Variants in DLG2 observed in about 807,000 individuals in gnomAD.
DLG2 encodes the protein discs large MAGUK scaffold protein 2.
Under a neutral mutation model 132.5 loss-of-function variants are expected in DLG2, and 45 were observed. The ratio of observed to expected loss-of-function variants is 0.34; its 90% confidence interval spans 0.27 to 0.44. The LOEUF (loss-of-function observed/expected upper bound fraction) is 0.44, where lower values mean the gene tolerates loss of function less well. Ranked by LOEUF, DLG2 falls within the 20% of genes least tolerant of loss-of-function variation. DLG2 has a pLI of 1.00. For missense variants in DLG2, 1,045 were observed against 1,196.9 expected (o/e 0.87, Z 1.87); for synonymous variants, 424 against 419.6 (o/e 1.01, Z -0.13).
At chr11:84,934,900 C>A (rs967378060) in intron 6 of DLG2, among the ~76,000 whole-genome samples, 2 of 151,966 alleles carry the variant, frequency 1.3e-5, no homozygotes, top group African/African-American at 4.8e-5. Flanking sequence ...TTTTTCTAAC[C>A]CACATCCATT....
chr11:84,869,581 C>T (rs1178869130), intron 6 of DLG2, among the ~76,000 whole-genome samples: 5 of 152,158 alleles, frequency 3.3e-5, no homozygotes, highest in African/African-American at 7.2e-5. Context: ...TGATGGACAA[C>T]CTAAGCATGT....
chr11:84,842,599 C>T (rs1297653436), intron 6 of DLG2, among the ~76,000 whole-genome samples: 1 of 151,928 alleles, frequency 6.6e-6, no homozygotes, highest in Non-Finnish European at 1.5e-5. Context: ...CAGAGCACTT[C>T]AATAGTTAGA....
intron 7 of DLG2, among the ~76,000 whole-genome samples, chr11:84,371,157 C>A (rs887780499): frequency 6.6e-6 from 1 of 151,596 alleles, no homozygotes; most frequent in South Asian, 2.1e-4. Flanking sequence ...AGACAAGCTG[C>A]GATTTTAATA....
chr11:84,363,441 T>G (rs1214580306), intron 7 of DLG2, among the ~76,000 whole-genome samples: 2 of 152,164 alleles, frequency 1.3e-5, no homozygotes, highest in East Asian at 3.9e-4. Context: ...TTGTGAAAAT[T>G]TTCTCCCATT....
chr11:85,544,368 A>G (rs941465449), intron 3 of DLG2, among the ~76,000 whole-genome samples: 1 of 152,190 alleles, frequency 6.6e-6, no homozygotes, highest in Non-Finnish European at 1.5e-5. Flanking sequence ...TTTTGCTACC[A>G]GTACCATGCT....
intron 3 of DLG2, among the ~76,000 whole-genome samples, chr11:85,491,190 A>C (rs960082647): frequency 1.3e-5 from 2 of 152,154 alleles, no homozygotes; most frequent in African/African-American, 2.4e-5. Flanking sequence ...ATTTCAATAG[A>C]TATAGAAAAG....
intron 19 of DLG2, among the ~76,000 whole-genome samples, chr11:83,608,850 G>C (rs1281310254): frequency 6.6e-6 from 1 of 152,062 alleles, no homozygotes; most frequent in African/African-American, 2.4e-5. Flanking sequence ...GCTAATGAAT[G>C]AACTGCTTTA....
At chr11:83,725,127 C>T in intron 18 of DLG2, 2 of 518,098 alleles carry the variant, frequency 3.9e-6, no homozygotes, top group Non-Finnish European at 6.9e-6. Context: ...CCGTTTTAAA[C>T]GCTGTAACAA....
Position 84,777,279 on chromosome 11 carries a change from G to GTGTA in DLG2, c.358-242552_358-242549dup, listed in dbSNP as rs1359805903. Among the ~76,000 whole-genome samples, 2 of 85,136 alleles carry GTGTA rather than the reference G, an allele frequency of 2.3e-5. 1 individual carries two copies. The highest frequency in any genetic ancestry group is 6.5e-4 in the East Asian group (2 of 3,062). 55.9% of individuals were successfully genotyped at this position (85,136 alleles called of 152,430 possible). On this transcript the variant is annotated intron_variant, in intron 6 of 27. Transcript: ENST00000376104. ...ATTGTGTGTGTATGTATATGTGTGT[G>GTGTA]TGTATATATATATATATATATATAT...
At chr11:84,738,104 T>C (rs1202009191) in intron 6 of DLG2, among the ~76,000 whole-genome samples, 11 of 152,006 alleles carry the variant, frequency 7.2e-5, no homozygotes, top group Admixed American at 2.6e-4. Context: ...TGTCTGTCAA[T>C]AGGTTGTGTT....
rs372949188 is a variant in DLG2 at position 84,273,281 on chromosome 11, G to A, written c.520-21990C>T. On this transcript the variant is annotated intron_variant, in intron 7 of 27. Transcript: ENST00000376104. Reference sequence around the variant, plus strand: ...AGCGAAAGCTGGTAACACTCAAACTGAGCTCACAGAACCCAGTTGAAGAGG... The same window carrying A: ...AGCGAAAGCTGGTAACACTCAAACTAAGCTCACAGAACCCAGTTGAAGAGG... The A allele has an allele frequency of 7.4e-6, 8 of 1,081,286 alleles. No homozygotes were observed. In the African/African-American group the frequency reaches 1.4e-4, roughly 18 times the overall value. The allele number at this position is 1,081,286 out of a possible 1,614,324, so 67.0% of individuals were successfully genotyped here.
intron 3 of DLG2, among the ~76,000 whole-genome samples, chr11:85,581,858 TAAG>T (rs1425406408): frequency 6.6e-6 from 1 of 152,090 alleles, no homozygotes; most frequent in African/African-American, 2.4e-5. Context: ...CTCAATAAAA[TAAG>T]AAGAAAGGTC....
At chr11:84,878,394 A>C (rs781459253) in intron 6 of DLG2, among the ~76,000 whole-genome samples, 1 of 152,212 alleles carries the variant, frequency 6.6e-6, no homozygotes, top group Non-Finnish European at 1.5e-5. Context: ...GGATGAGTTA[A>C]TGTCCTTTGC....
At chr11:85,089,491 C>CA (rs2068434004) in intron 6 of DLG2, among the ~76,000 whole-genome samples, 1 of 152,088 alleles carries the variant, frequency 6.6e-6, no homozygotes, top group Non-Finnish European at 1.5e-5. Context: ...CATAGTATTC[C>CA]ATGCTATATG....
intron 3 of DLG2, among the ~76,000 whole-genome samples, chr11:85,401,184 A>T (rs1160003350): frequency 6.6e-6 from 1 of 152,162 alleles, no homozygotes; most frequent in Admixed American, 6.6e-5. Context: ...CTGGTTCAAC[A>T]TATGCAAATC....
chr11:84,650,879 A>ATACATACATATATATATACATATATAC lies in DLG2; in HGVS notation c.358-116149_358-116148insGTATATATGTATATATATATGTATGTA, dbSNP rs139208872. 2.0e-3 allele frequency among the ~76,000 whole-genome samples: 170 copies of ATACATACATATATATATACATATATAC among 85,270 alleles called. 4 individuals are homozygous for ATACATACATATATATATACATATATAC. The East Asian group carries it at 0.035, about 18-fold the overall frequency. 55.9% of individuals were successfully genotyped at this position (85,270 alleles called of 152,430 possible). ...TGTGTGTGTGTGTGTGTGTGTATAT[A>ATACATACATATATATATACATATATAC]TATATATATATATATATATATAAAA... On this transcript the variant is annotated intron_variant, in intron 6 of 27. Coordinates refer to ENST00000376104, the MANE Select transcript of DLG2 (RefSeq NM_001142699.3).
chr11:85,356,518 C>T (rs866562128), intron 3 of DLG2, among the ~76,000 whole-genome samples: 1 of 152,060 alleles, frequency 6.6e-6, no homozygotes, highest in Non-Finnish European at 1.5e-5. Context: ...CTGGTATAGA[C>T]CTATTATAGT....
intron 6 of DLG2, among the ~76,000 whole-genome samples, chr11:84,695,672 A>G (rs371127956): frequency 6.6e-6 from 1 of 151,516 alleles, no homozygotes; most frequent in South Asian, 2.1e-4. Flanking sequence ...GAGTACTTAA[A>G]ATTTATTACA....
intron 7 of DLG2, among the ~76,000 whole-genome samples, chr11:84,509,222 A>G (rs916469146): frequency 1.1e-4 from 16 of 152,192 alleles, no homozygotes; most frequent in African/African-American, 3.9e-4. Flanking sequence ...ATTCTGGAAA[A>G]TGTCTCCTTT....
Sources: gnomAD v4.1 joint callset for allele counts (sites outside exome capture counted in the v4.1 genomes callset) on GRCh38, gnomAD v4.1.1 for gene constraint, MANE v1.5 for transcripts, NCBI Gene and HGNC (gene_info 2026-07-23, HGNC 2026-07-21) for gene names.